RNF220: variants seen among roughly 807,000 people sequenced by gnomAD.
The protein encoded by RNF220 is E3 ubiquitin-protein ligase RNF220.
In RNF220, 7 loss-of-function variants were observed where a neutral mutation model predicts 67.1. The observed-to-expected ratio is 0.10, with a 90% CI of 0.06 to 0.20. The LOEUF (loss-of-function observed/expected upper bound fraction) is 0.20, where lower values mean the gene tolerates loss of function less well. RNF220 is among the 10% of genes least tolerant of loss of function. RNF220 has a pLI of 1.00. For synonymous variants in RNF220, 270 were observed against 283.2 expected (o/e 0.95, Z 0.47); for missense variants, 565 against 740.3 (o/e 0.76, Z 2.75).
At chr1:44,531,476 A>G (rs920250960) in intron 2 of RNF220, among the ~76,000 whole-genome samples, 5 of 152,240 alleles carry the variant, frequency 3.3e-5, no homozygotes, top group South Asian at 4.1e-4. Flanking sequence ...ATGTGTGTCC[A>G]AAGCTCTTTG....
rs945916126 is a variant in RNF220 at position 44,529,180 on chromosome 1, C to A, written c.626-84985C>A. Among the ~76,000 whole-genome samples the A allele has an allele frequency of 3.9e-5, 6 of 152,204 alleles. No homozygotes were observed. In the South Asian group the frequency reaches 1.2e-3, roughly 32 times the overall value. The stretch of plus-strand genomic sequence containing the variant: ...CAGTATTATTTATAGCAGAGAAAAT[C>A]TGAGAACAACCTAATGTTCCACAAC... On this transcript the variant is annotated intron_variant, in intron 2 of 14. Transcript: ENST00000361799.
intron 2 of RNF220, among the ~76,000 whole-genome samples, chr1:44,553,207 T>C (rs1662807398): frequency 7.5e-6 from 1 of 133,730 alleles, no homozygotes; most frequent in Non-Finnish European, 1.7e-5. Flanking sequence ...ACTCTTCTAA[T>C]AAGGTTATCT....
chr1:44,469,388 C>T (rs1211460880), intron 2 of RNF220, among the ~76,000 whole-genome samples: 1 of 151,980 alleles, frequency 6.6e-6, no homozygotes, highest in Non-Finnish European at 1.5e-5. Flanking sequence ...GGCAAACCAG[C>T]CTAAGAAAAG....
At chr1:44,561,495 C>CAA (rs200668622) in intron 2 of RNF220, among the ~76,000 whole-genome samples, 7 of 147,546 alleles carry the variant, frequency 4.7e-5, no homozygotes, top group African/African-American at 1.7e-4. Context: ...GGCCACAGAG[C>CAA]AAAAAAAAAA....
chr1:44,538,906 A>T (rs1199412006), intron 2 of RNF220, among the ~76,000 whole-genome samples: 2 of 127,904 alleles, frequency 1.6e-5, no homozygotes, highest in Admixed American at 8.8e-5. Context: ...ACAGAGTGAG[A>T]CTCCATCTAG....
chr1:44,505,596 G>A (rs532606082), intron 2 of RNF220, among the ~76,000 whole-genome samples: 2 of 152,340 alleles, frequency 1.3e-5, no homozygotes, highest in South Asian at 4.1e-4. Context: ...GTAAATAATG[G>A]TAACTTTATG....
chr1:44,552,042 C>G (rs1416950639), intron 2 of RNF220, among the ~76,000 whole-genome samples: 1 of 152,186 alleles, frequency 6.6e-6, no homozygotes, highest in African/African-American at 2.4e-5. Flanking sequence ...GTATATGCCA[C>G]CAAACCGTGG....
At chr1:44,593,953 T>C (rs1666288673) in intron 2 of RNF220, among the ~76,000 whole-genome samples, 1 of 151,710 alleles carries the variant, frequency 6.6e-6, no homozygotes, top group Non-Finnish European at 1.5e-5. Flanking sequence ...GGCATGGTGG[T>C]GGGCACCTGT....
At chr1:44,470,471 A>G (rs942777504) in intron 2 of RNF220, among the ~76,000 whole-genome samples, 19 of 152,190 alleles carry the variant, frequency 1.2e-4, no homozygotes, top group Admixed American at 1.2e-3. Flanking sequence ...AAAAAAGAAA[A>G]ATAAAATGGA....
chr1:44,418,129 G>A (rs1307333721), intron 2 of RNF220, among the ~76,000 whole-genome samples: 1 of 152,208 alleles, frequency 6.6e-6, no homozygotes, highest in Non-Finnish European at 1.5e-5. Flanking sequence ...ATAAGGGGGG[G>A]GCGCCCACGC....
chr1:44,620,247 G>T (rs1288658609), intron 3 of RNF220, among the ~76,000 whole-genome samples: 1 of 152,192 alleles, frequency 6.6e-6, no homozygotes, highest in Non-Finnish European at 1.5e-5. Flanking sequence ...CATTTGACCT[G>T]GTAGTCAACT....
Position 44,423,064 on chromosome 1 carries a change from A to G in RNF220, c.625+10342A>G, listed in dbSNP as rs182224278. 4.7e-4 allele frequency among the ~76,000 whole-genome samples: 71 copies of G among 152,356 alleles called. 1 individual carries two copies. The highest frequency in any genetic ancestry group is 1.7e-3 in the African/African-American group (69 of 41,594). On this transcript the variant is annotated intron_variant, in intron 2 of 14. Coordinates refer to ENST00000361799, the MANE Select transcript of RNF220 (RefSeq NM_018150.4). Reference sequence around the variant, plus strand: ...CCTGCCTTACTGGACTTCAAAGTTTAGTTAGCAATTGTAGGATGCTGCGAA... The same window carrying G: ...CCTGCCTTACTGGACTTCAAAGTTTGGTTAGCAATTGTAGGATGCTGCGAA...
At chr1:44,503,638 A>G (rs777318309) in intron 2 of RNF220, among the ~76,000 whole-genome samples, 8 of 152,162 alleles carry the variant, frequency 5.3e-5, no homozygotes, top group South Asian at 2.1e-4. Flanking sequence ...AGAAACAGCT[A>G]TCCCAGGCCA....
intron 5 of RNF220, among the ~76,000 whole-genome samples, chr1:44,629,713 C>T (rs530538529): frequency 7.2e-5 from 11 of 151,948 alleles, no homozygotes; most frequent in Non-Finnish European, 1.5e-4. Context: ...ATAAAGAATA[C>T]GTTTCTAGGA....
chr1:44,566,409 C>T (rs1337266871), intron 2 of RNF220, among the ~76,000 whole-genome samples: 1 of 152,166 alleles, frequency 6.6e-6, no homozygotes, highest in Non-Finnish European at 1.5e-5. Context: ...CTGGCTAAGC[C>T]TGCCTGTATC....
At chr1:44,552,349 A>C (rs1662704705) in intron 2 of RNF220, among the ~76,000 whole-genome samples, 2 of 152,002 alleles carry the variant, frequency 1.3e-5, no homozygotes, top group African/African-American at 4.8e-5. Flanking sequence ...TCTACAAAAA[A>C]AATAGAAAAA....
chr1:44,595,558 T>C (rs1394871952), intron 2 of RNF220, among the ~76,000 whole-genome samples: 1 of 152,008 alleles, frequency 6.6e-6, no homozygotes, highest in African/African-American at 2.4e-5. Context: ...AGGTGTTTTC[T>C]CAGGGACATG....
chr1:44,522,153 C>A (rs547789209), intron 2 of RNF220, among the ~76,000 whole-genome samples: 5 of 152,242 alleles, frequency 3.3e-5, no homozygotes, highest in Admixed American at 3.3e-4. Flanking sequence ...AAGACCATGA[C>A]AAATGTTTGC....
chr1:44,465,380 A>G (rs890735165), intron 2 of RNF220, among the ~76,000 whole-genome samples: 2 of 150,674 alleles, frequency 1.3e-5, no homozygotes, highest in African/African-American at 4.9e-5. Flanking sequence ...TATATTAAAT[A>G]TATTATATTA....
Sources: gnomAD v4.1 joint callset for allele counts (sites outside exome capture counted in the v4.1 genomes callset) on GRCh38, gnomAD v4.1.1 for gene constraint, MANE v1.5 for transcripts, NCBI Gene and HGNC (gene_info 2026-07-23, HGNC 2026-07-21) for gene names.